Variants in GPC5 observed in about 807,000 individuals in gnomAD.
The protein encoded by GPC5 is glypican-5.
Under a neutral mutation model 53.9 loss-of-function variants are expected in GPC5, and 47 were observed. That is an observed-to-expected ratio of 0.87 (90% CI 0.69 to 1.11). GPC5 has a LOEUF of 1.11. Ranked by LOEUF, GPC5 falls within the 50% of genes most tolerant of loss-of-function variation. GPC5 has a pLI of 0.00. For missense variants in GPC5, 748 were observed against 713.1 expected (o/e 1.05, Z -0.56); for synonymous variants, 286 against 263.3 (o/e 1.09, Z -0.84).
At chr13:91,656,405 T>C (rs1157776607) in intron 2 of GPC5, among the ~76,000 whole-genome samples, 1 of 152,144 alleles carries the variant, frequency 6.6e-6, no homozygotes, top group East Asian at 1.9e-4. Context: ...GAGGTATAGA[T>C]CTGGGAGTAA....
intron 2 of GPC5, among the ~76,000 whole-genome samples, chr13:91,578,001 G>A (rs1370442052): frequency 6.6e-6 from 1 of 152,228 alleles, no homozygotes; most frequent in Non-Finnish European, 1.5e-5. Flanking sequence ...GGCCATGAAA[G>A]ATATTGTAGT....
intron 2 of GPC5, among the ~76,000 whole-genome samples, chr13:91,492,932 C>T (rs74719228): frequency 0.011 from 1,665 of 152,272 alleles, 11 homozygotes; most frequent in Non-Finnish European, 0.019. Flanking sequence ...CTATCGTCAC[C>T]ACCTCTTTCC....
chr13:92,513,107 T>TA (rs1880635747), intron 7 of GPC5, among the ~76,000 whole-genome samples: 1 of 152,204 alleles, frequency 6.6e-6, no homozygotes. Context: ...AAGGCCATGT[T>TA]ACACTCAGAG....
intron 5 of GPC5, among the ~76,000 whole-genome samples, chr13:91,854,873 TAGG>T (rs767297493): frequency 1.3e-5 from 2 of 151,788 alleles, no homozygotes; most frequent in Non-Finnish European, 3.0e-5. Flanking sequence ...GCTTAAAAAA[TAGG>T]AGTTTAGTTT....
intron 6 of GPC5, among the ~76,000 whole-genome samples, chr13:92,011,332 TC>T (rs953070004): frequency 6.6e-6 from 1 of 152,168 alleles, no homozygotes; most frequent in African/African-American, 2.4e-5. Context: ...GCAAAAAATT[TC>T]AAAACAAAAC....
intron 7 of GPC5, among the ~76,000 whole-genome samples, chr13:92,767,922 T>C (rs1012889597): frequency 1.3e-5 from 2 of 152,186 alleles, no homozygotes; most frequent in Non-Finnish European, 2.9e-5. Context: ...TTTTAAATTT[T>C]TATGGAATCT....
intron 7 of GPC5, among the ~76,000 whole-genome samples, chr13:92,351,119 A>G (rs2043473643): frequency 6.6e-6 from 1 of 151,852 alleles, no homozygotes. Flanking sequence ...ATCAGTTTTT[A>G]TTTTCTATTT....
intron 5 of GPC5, among the ~76,000 whole-genome samples, chr13:91,766,834 T>G (rs1480645926): frequency 6.6e-6 from 1 of 152,172 alleles, no homozygotes; most frequent in Admixed American, 6.5e-5. Context: ...CACTCCAGCC[T>G]GGGTGACAGA....
chr13:92,327,876 A>G (rs575144232), intron 7 of GPC5, among the ~76,000 whole-genome samples: 23 of 152,258 alleles, frequency 1.5e-4, no homozygotes, highest in Admixed American at 3.9e-4. Flanking sequence ...GGTCACTAAC[A>G]GTGCAACTTC....
intron 2 of GPC5, among the ~76,000 whole-genome samples, chr13:91,589,129 A>T (rs544610457): frequency 6.6e-6 from 1 of 152,200 alleles, no homozygotes; most frequent in South Asian, 2.1e-4. Flanking sequence ...GCAGTATTTG[A>T]TGTCTTTGAC....
chr13:92,217,045 G>A (rs754900675), intron 7 of GPC5, among the ~76,000 whole-genome samples: 1 of 151,764 alleles, frequency 6.6e-6, no homozygotes, highest in Non-Finnish European at 1.5e-5. Context: ...GAGGGTGGGG[G>A]TAGCGCCCAG....
chr13:91,440,188 T>G (rs772127519), intron 1 of GPC5, among the ~76,000 whole-genome samples: 1 of 152,234 alleles, frequency 6.6e-6, no homozygotes, highest in Non-Finnish European at 1.5e-5. Context: ...AGCCCTGTTT[T>G]CTCTCTTCTT....
chr13:92,411,030 T>A (rs757141827), intron 7 of GPC5, among the ~76,000 whole-genome samples: 1 of 152,016 alleles, frequency 6.6e-6, no homozygotes. Flanking sequence ...AGGTCAGGAG[T>A]CTGAGGCCAG....
At chr13:92,783,513 T>G (rs998074813) in intron 7 of GPC5, among the ~76,000 whole-genome samples, 11 of 152,194 alleles carry the variant, frequency 7.2e-5, no homozygotes, top group African/African-American at 2.7e-4. Context: ...ATGATCTATA[T>G]TTGATTGTTC....
intron 5 of GPC5, among the ~76,000 whole-genome samples, chr13:91,774,751 T>C (rs1275575736): frequency 6.6e-6 from 1 of 152,162 alleles, no homozygotes; most frequent in African/African-American, 2.4e-5. Flanking sequence ...ATGGGCCTAC[T>C]AGCCTGAAGA....
chr13:91,894,223 A>G lies in GPC5; in HGVS notation c.1281-13714A>G, dbSNP rs534155796. Among the ~76,000 whole-genome samples the G allele has an allele frequency of 7.2e-4, 110 of 152,214 alleles. 1 individual carries two copies. Among genetic ancestry groups the G allele is most frequent in the African/African-American group, 2.6e-3 (109 of 41,552 alleles). ...TGGAGCTATGATAATTTGTAAAACCATCCATTTGGTAGCCCTTCAGGACTT... is the reference window on the plus strand; with the variant it reads ...TGGAGCTATGATAATTTGTAAAACCGTCCATTTGGTAGCCCTTCAGGACTT... On this transcript the variant is annotated intron_variant, in intron 5 of 7. Coordinates refer to ENST00000377067, the MANE Select transcript of GPC5 (RefSeq NM_004466.6).
At chr13:92,565,352 T>C in intron 7 of GPC5, among the ~76,000 whole-genome samples, 1 of 152,196 alleles carries the variant, frequency 6.6e-6, no homozygotes, top group South Asian at 2.1e-4. Context: ...AAGATTAGTT[T>C]TATAAGTTCT....
At chr13:92,330,886 T>A (rs548802926) in intron 7 of GPC5, among the ~76,000 whole-genome samples, 2 of 152,298 alleles carry the variant, frequency 1.3e-5, no homozygotes, top group East Asian at 3.9e-4. Context: ...TCTTTCCTCT[T>A]CTTCTGCTTT....
At chr13:92,663,893 TATATATATATACAC>T (rs1372736313) in intron 7 of GPC5, among the ~76,000 whole-genome samples, 25 of 21,124 alleles carry the variant, frequency 1.2e-3, no homozygotes, top group Non-Finnish European at 4.5e-3. Context: ...TATATATATA[TATATATATATACAC>T]ACACACACAC....
Sources: allele counts gnomAD v4.1 joint callset (sites outside exome capture counted in the v4.1 genomes callset), GRCh38; gene constraint gnomAD v4.1.1; transcripts MANE v1.5; gene names NCBI Gene and HGNC (gene_info 2026-07-23, HGNC 2026-07-21).